TTC39B: variants seen among roughly 807,000 people sequenced by gnomAD.
TTC39B encodes tetratricopeptide repeat protein 39B.
Under a neutral mutation model 96.6 loss-of-function variants are expected in TTC39B, and 92 were observed. The observed-to-expected ratio is 0.95, with a 90% confidence interval of 0.80 to 1.13. The LOEUF is 1.13. Ranked by LOEUF, TTC39B falls within the 50% of genes most tolerant of loss-of-function variation. The pLI, the probability that TTC39B is intolerant of heterozygous loss-of-function variation, is 0.00. For missense variants in TTC39B, 955 were observed against 809.3 expected (o/e 1.18, Z -2.18); for synonymous variants, 367 against 299.4 (o/e 1.23, Z -2.33).
At chr9:15,244,842 T>C (rs2131483437) in intron 2 of TTC39B, among the ~76,000 whole-genome samples, 1 of 152,342 alleles carries the variant, frequency 6.6e-6, no homozygotes, top group East Asian at 1.9e-4. Context: ...TGTCTTTTCT[T>C]TTAAAATATC....
At chr9:15,280,176 G>A (rs1823706098) in intron 1 of TTC39B, among the ~76,000 whole-genome samples, 1 of 152,118 alleles carries the variant, frequency 6.6e-6, no homozygotes, top group South Asian at 2.1e-4. Flanking sequence ...GGGATTACAG[G>A]TGTGAGCCAC....
At chr9:15,249,267 T>C (rs1328879501) in intron 2 of TTC39B, 1 of 152,034 alleles carries the variant, frequency 6.6e-6, no homozygotes, top group African/African-American at 2.4e-5. Flanking sequence ...ACAAAAAAAA[T>C]ACCCAGCATT....
chr9:15,273,297 C>A (rs906512672), intron 1 of TTC39B, among the ~76,000 whole-genome samples: 6 of 152,138 alleles, frequency 3.9e-5, no homozygotes, highest in Admixed American at 6.5e-5. Flanking sequence ...ATTTTTCAGG[C>A]CTCCCTATCT....
intron 14 of TTC39B, 97 bp downstream of exon 14, chr9:15,187,874 C>T: frequency 1.6e-6 from 2 of 1,267,304 alleles, no homozygotes; most frequent in Non-Finnish European, 2.1e-6. Flanking sequence ...TGAGAAAACA[C>T]TGTGGTATCA....
At chr9:15,178,085 G>T (rs1397557009) in intron 17 of TTC39B, among the ~76,000 whole-genome samples, 1 of 151,532 alleles carries the variant, frequency 6.6e-6, no homozygotes, top group Non-Finnish European at 1.5e-5. Flanking sequence ...TAGCCAGGAT[G>T]GTCTCGATCT....
chr9:15,275,835 C>G (rs1001212576), intron 1 of TTC39B, among the ~76,000 whole-genome samples: 6 of 152,180 alleles, frequency 3.9e-5, no homozygotes, highest in African/African-American at 1.2e-4. Context: ...AAACATAGTC[C>G]ATCTTCACTC....
chr9:15,164,439 T>C (rs1027914312), exon 20 of TTC39B: 1 of 152,192 alleles, frequency 6.6e-6, no homozygotes, highest in Non-Finnish European at 1.5e-5. Context: ...CTTCTACATG[T>C]CAAGTTAACA....
At chr9:15,218,283 T>A (rs116731808) in intron 3 of TTC39B, among the ~76,000 whole-genome samples, 88 of 151,934 alleles carry the variant, frequency 5.8e-4, no homozygotes, top group African/African-American at 2.0e-3. Flanking sequence ...GGACTGGAAA[T>A]TAGAAGTCAG....
chr9:15,192,078 C>A lies in TTC39B; in HGVS notation c.930+512G>T, dbSNP rs186765599. Among the ~76,000 whole-genome samples the A allele has an allele frequency of 3.3e-5, 5 of 152,324 alleles. No individual in the cohort carries two copies. The East Asian group carries it at 7.7e-4, about 24-fold the overall frequency. On this transcript the variant is annotated intron_variant, in intron 9 of 19. Transcript: ENST00000512701. ...GCTATAAGCAAAGTGGCCATAGTGG[C>A]ACATTCACTCATGTGTATACTTCTC...
In TTC39B at chr9:15,188,049, C is replaced by T; in HGVS notation, c.1317G>A (p.Trp439Ter). The T allele has an allele frequency of 6.2e-7, 1 of 1,612,452 alleles. No homozygotes were observed. Among genetic ancestry groups the T allele is most frequent in the Non-Finnish European group, 8.5e-7 (1 of 1,179,228 alleles). ...TCCAGTTTTGTTGGAAAACATTAAT[C>T]CACATTAGCTCCCAGTAGCAGAGAT... Residue 439 changes from tryptophan to a stop codon, truncating the protein, a stop_gained, in exon 14 of 20, where the codon TGG becomes TGA. Coordinates refer to ENST00000512701, the Ensembl canonical transcript of TTC39B. LOFTEE classifies it high-confidence loss of function.
At chr9:15,273,502 C>A (rs560121369) in intron 1 of TTC39B, among the ~76,000 whole-genome samples, 2 of 152,308 alleles carry the variant, frequency 1.3e-5, no homozygotes, top group South Asian at 4.1e-4. Context: ...TCCTCCTCCT[C>A]ACCCTCAGCC....
intron 1 of TTC39B, among the ~76,000 whole-genome samples, chr9:15,276,497 G>A (rs747159824): frequency 2.6e-5 from 4 of 152,180 alleles, no homozygotes; most frequent in Non-Finnish European, 4.4e-5. Flanking sequence ...TTGATGACAT[G>A]AGCCCTCCCT....
chr9:15,187,103 G>T, intron 14 of TTC39B, 68 bp from the exon 15 acceptor site: 1 of 1,148,888 alleles, frequency 8.7e-7, no homozygotes. Flanking sequence ...TTTCAAATCA[G>T]GAATGACCAA....
intron 1 of TTC39B, among the ~76,000 whole-genome samples, chr9:15,289,278 TG>T (rs1480807169): frequency 6.6e-6 from 1 of 152,214 alleles, no homozygotes; most frequent in Non-Finnish European, 1.5e-5. Flanking sequence ...ATGTTCAATA[TG>T]GCTAGTTGCA....
chr9:15,241,800 T>C (rs768847843), intron 2 of TTC39B, among the ~76,000 whole-genome samples: 1 of 149,458 alleles, frequency 6.7e-6, no homozygotes, highest in South Asian at 2.1e-4. Flanking sequence ...TGGAGTGCAG[T>C]AGTGGGATCT....
At chr9:15,248,334 T>C (rs1822375970) in intron 2 of TTC39B, among the ~76,000 whole-genome samples, 1 of 152,182 alleles carries the variant, frequency 6.6e-6, no homozygotes, top group South Asian at 2.1e-4. Flanking sequence ...CCAACATCTC[T>C]TTCCAGCTTA....
chr9:15,215,378 TG>T (rs1335307570), intron 3 of TTC39B, among the ~76,000 whole-genome samples: 1 of 151,614 alleles, frequency 6.6e-6, no homozygotes, highest in Non-Finnish European at 1.5e-5. Context: ...ACCAACATGG[TG>T]AAACCCCGTC....
intron 1 of TTC39B, among the ~76,000 whole-genome samples, chr9:15,288,678 G>C (rs1164055238): frequency 6.6e-6 from 1 of 152,240 alleles, no homozygotes; most frequent in African/African-American, 2.4e-5. Context: ...AGGACACTAT[G>C]CTGGTTAACA....
intron 17 of TTC39B, among the ~76,000 whole-genome samples, chr9:15,179,277 C>T (rs1431407506): frequency 6.6e-6 from 1 of 152,176 alleles, no homozygotes; most frequent in Non-Finnish European, 1.5e-5. Context: ...GAGAGGACGG[C>T]AGTAAAGGGA....
Sources: allele counts gnomAD v4.1 joint callset (sites outside exome capture counted in the v4.1 genomes callset), GRCh38; gene constraint gnomAD v4.1.1; transcripts MANE v1.5; gene names NCBI Gene and HGNC (gene_info 2026-07-23, HGNC 2026-07-21).